Variants in OSBPL9 observed in about 807,000 individuals in gnomAD.
OSBPL9 encodes the protein oxysterol binding protein like 9.
Under a neutral mutation model 106.6 loss-of-function variants are expected in OSBPL9, and 40 were observed. The observed-to-expected ratio is 0.38, with a 90% confidence interval of 0.29 to 0.49. The LOEUF is 0.49. Ranked by LOEUF, OSBPL9 falls within the 20% of genes least tolerant of loss-of-function variation. The pLI is 0.97. For synonymous variants in OSBPL9, 269 were observed against 295.4 expected (o/e 0.91, Z 0.92); for missense variants, 609 against 887.2 (o/e 0.69, Z 3.98).
chr1:51,786,713 C>T, intron 22 of OSBPL9, 96 bp downstream of exon 22: 1 of 961,542 alleles, frequency 1.0e-6, no homozygotes, highest in Non-Finnish European at 1.6e-6. Context: ...TAGGGCAGAG[C>T]ATAATAGTAT....
intron 2 of OSBPL9, among the ~76,000 whole-genome samples, chr1:51,667,988 G>A (rs1249483692): frequency 6.6e-6 from 1 of 152,214 alleles, no homozygotes; most frequent in Non-Finnish European, 1.5e-5. Flanking sequence ...GGTTCATCCA[G>A]ATAGCCTCTG....
chr1:51,690,490 C>T (rs1297010401), intron 3 of OSBPL9, among the ~76,000 whole-genome samples: 1 of 152,172 alleles, frequency 6.6e-6, no homozygotes, highest in African/African-American at 2.4e-5. Context: ...TAAAACTATT[C>T]ATAAATTGTT....
intron 3 of OSBPL9, among the ~76,000 whole-genome samples, chr1:51,670,518 T>TGAATTGCAGTTATTTTTC (rs1289523132): frequency 1.6e-4 from 24 of 152,332 alleles, no homozygotes; most frequent in African/African-American, 5.8e-4. Flanking sequence ...GCTAGGATAG[T>TGAATTGCAGTTATTTTTC]GAATTGCAGT....
intron 1 of OSBPL9, among the ~76,000 whole-genome samples, chr1:51,624,402 A>T (rs939992072): frequency 6.6e-6 from 1 of 151,986 alleles, no homozygotes; most frequent in African/African-American, 2.4e-5. Flanking sequence ...AGCCTGACCA[A>T]CATGGTAAAA....
At chr1:51,622,217 A>G (rs1466927111) in intron 1 of OSBPL9, among the ~76,000 whole-genome samples, 1 of 152,180 alleles carries the variant, frequency 6.6e-6, no homozygotes, top group Non-Finnish European at 1.5e-5. Flanking sequence ...GGGCATGTTG[A>G]AATTGACATA....
At chr1:51,624,125 C>T (rs1381309750) in intron 1 of OSBPL9, among the ~76,000 whole-genome samples, 1 of 151,894 alleles carries the variant, frequency 6.6e-6, no homozygotes, top group East Asian at 1.9e-4. Context: ...CCATGTTGAC[C>T]AGGCTGATCT....
At chr1:51,722,151 T>C (rs1662249829) in intron 4 of OSBPL9, among the ~76,000 whole-genome samples, 1 of 141,190 alleles carries the variant, frequency 7.1e-6, no homozygotes, top group Non-Finnish European at 1.5e-5. Context: ...TGAGACTCCA[T>C]CTCTAAAATA....
intron 3 of OSBPL9, 107 bp downstream of exon 3, chr1:51,669,619 A>C (rs1426513977): frequency 2.0e-6 from 2 of 996,848 alleles, no homozygotes; most frequent in Admixed American, 2.0e-5. Flanking sequence ...CTGATCCTGC[A>C]TGAACGAGTG....
At chr1:51,665,572 G>C (rs1016845738) in intron 2 of OSBPL9, among the ~76,000 whole-genome samples, 2 of 152,200 alleles carry the variant, frequency 1.3e-5, no homozygotes, top group African/African-American at 4.8e-5. Flanking sequence ...GACTGAAGGA[G>C]AATAGCAATG....
intron 3 of OSBPL9, among the ~76,000 whole-genome samples, chr1:51,696,439 A>G (rs529723890): frequency 1.3e-5 from 2 of 152,290 alleles, no homozygotes; most frequent in East Asian, 3.9e-4. Flanking sequence ...CCTAAAGACA[A>G]TAAATAAGAT....
chr1:51,728,506 G>A lies in OSBPL9; in HGVS notation c.318+14427G>A, dbSNP rs574228688. Reference sequence around the variant, plus strand: ...GAGGACTACTAGGTTTATGGTTTGCGTATTAGGGTGGATGATAGCAGTTTC... The same window carrying A: ...GAGGACTACTAGGTTTATGGTTTGCATATTAGGGTGGATGATAGCAGTTTC... On this transcript the variant is annotated intron_variant, in intron 4 of 23. Transcript: ENST00000428468. Among the ~76,000 whole-genome samples the A allele has an allele frequency of 1.1e-4, 17 of 152,240 alleles. No individual in the cohort carries two copies. In the East Asian group the frequency reaches 2.3e-3, roughly 21 times the overall value.
intron 1 of OSBPL9, among the ~76,000 whole-genome samples, chr1:51,621,406 C>T (rs914777637): frequency 6.6e-6 from 1 of 151,990 alleles, no homozygotes; most frequent in Non-Finnish European, 1.5e-5. Context: ...TTCAGCCTCT[C>T]CCTTCAAGGA....
the OSBPL9 span, among the ~76,000 whole-genome samples, chr1:51,539,355 A>T: frequency 6.6e-6 from 1 of 151,916 alleles, no homozygotes; most frequent in Non-Finnish European, 1.5e-5. Flanking sequence ...AAAATATGAA[A>T]ATTTTACCTC....
intron 3 of OSBPL9, among the ~76,000 whole-genome samples, chr1:51,700,873 A>G (rs1487951282): frequency 2.0e-5 from 3 of 151,900 alleles, no homozygotes; most frequent in Non-Finnish European, 4.4e-5. Flanking sequence ...TGCCTGATGT[A>G]ATTATTGCTG....
At position 51,781,358 on chromosome 1, in the gene OSBPL9, T is replaced by A. The variant is rs778664333; in HGVS notation, c.1428+23T>A. On this transcript the variant is annotated intron_variant, in intron 16 of 23. Transcript: ENST00000428468. ...ACAGTGAGTTCTGCATTGACATTTT[T>A]AAATTATCTTAATTGTATACTGATT... 18 of 1,601,478 alleles carry A rather than the reference T, an allele frequency of 1.1e-5. No individual in the cohort carries two copies. The African/African-American group carries it at 1.6e-4, about 14-fold the overall frequency.
At chr1:51,697,074 C>T (rs140900680) in intron 3 of OSBPL9, among the ~76,000 whole-genome samples, 136 of 151,602 alleles carry the variant, frequency 9.0e-4, no homozygotes, top group African/African-American at 3.1e-3. Context: ...GCAGGAGGAT[C>T]GCCTGAGCTG....
chr1:51,634,080 T>C (rs984358087), intron 1 of OSBPL9, among the ~76,000 whole-genome samples: 1 of 152,232 alleles, frequency 6.6e-6, no homozygotes, highest in Non-Finnish European at 1.5e-5. Context: ...ATTTCATGGG[T>C]CTAGCTGTTG....
At chr1:51,679,345 A>T (rs1429510833) in intron 3 of OSBPL9, among the ~76,000 whole-genome samples, 1 of 152,200 alleles carries the variant, frequency 6.6e-6, no homozygotes, top group Non-Finnish European at 1.5e-5. Context: ...GTTTTCCATA[A>T]TTTCTAAGTA....
chr1:51,597,431 G>A (rs398047002), intron 1 of OSBPL9, among the ~76,000 whole-genome samples: 15,763 of 141,396 alleles, frequency 0.11, 1,104 homozygotes, highest in Non-Finnish European at 0.15. Context: ...ATATGTGTGT[G>A]TGTGTGTGTG....
Sources: allele counts gnomAD v4.1 joint callset (sites outside exome capture counted in the v4.1 genomes callset), GRCh38; gene constraint gnomAD v4.1.1; transcripts MANE v1.5; gene names NCBI Gene and HGNC (gene_info 2026-07-23, HGNC 2026-07-21).